ATP8A2: variants seen among roughly 807,000 people sequenced by gnomAD.
The protein encoded by ATP8A2 is phospholipid-transporting ATPase IB.
Under a neutral mutation model 165.6 loss-of-function variants are expected in ATP8A2, and 100 were observed. The ratio of observed to expected loss-of-function variants is 0.60; its 90% confidence interval spans 0.51 to 0.71. ATP8A2 has a LOEUF of 0.71. Ranked by LOEUF, ATP8A2 falls within the 30% of genes least tolerant of loss-of-function variation. The probability of loss-of-function intolerance (pLI) is 0.00; values close to 1 mark genes in which losing one functional copy is unlikely to be tolerated. For synonymous variants in ATP8A2, 543 were observed against 548.8 expected, an observed-to-expected ratio of 0.99 and a Z score of 0.15; for missense variants, 1,227 against 1,479.5, an observed-to-expected ratio of 0.83 and a Z score of 2.80.
chr13:25,384,825 G>T (rs2032981495), intron 1 of ATP8A2, among the ~76,000 whole-genome samples: 1 of 152,098 alleles, frequency 6.6e-6, no homozygotes, highest in Non-Finnish European at 1.5e-5. Flanking sequence ...AATCTTAAAT[G>T]TCTTATGATT....
chr13:25,985,200 G>A (rs1593671930), intron 35 of ATP8A2, among the ~76,000 whole-genome samples: 2 of 152,154 alleles, frequency 1.3e-5, no homozygotes, highest in East Asian at 3.9e-4. Flanking sequence ...GTGTATGCTG[G>A]TTACAAGAAT....
intron 24 of ATP8A2, among the ~76,000 whole-genome samples, chr13:25,622,844 C>T (rs1343048043): frequency 6.6e-6 from 1 of 152,122 alleles, no homozygotes; most frequent in Non-Finnish European, 1.5e-5. Context: ...CCAAGCATTT[C>T]AGATAAGGGA....
intron 33 of ATP8A2, among the ~76,000 whole-genome samples, chr13:25,898,493 G>A (rs569349102): frequency 1.2e-4 from 19 of 152,232 alleles, no homozygotes; most frequent in South Asian, 2.1e-4. Flanking sequence ...TTGAGGAGGC[G>A]GTCTGCCTGT....
rs541944695 is a variant in ATP8A2 at position 25,953,686 on chromosome 13, G to T, written c.3184-7889G>T. ...CTCACTGGGACTGGTTAGATAGTGG[G>T]TGCAGCCCACGGAGGGCAAGCCGAA... On this transcript the variant is annotated intron_variant, in intron 33 of 36. Coordinates refer to ENST00000381655, the MANE Select transcript of ATP8A2 (RefSeq NM_016529.6). The surrounding 1 kb of genome is among the most constrained non-coding windows in gnomAD (Gnocchi z 6.7). 6.6e-6 allele frequency among the ~76,000 whole-genome samples: 1 copy of T among 152,190 alleles called. No individual in the cohort carries two copies. Among genetic ancestry groups the T allele is most frequent in the South Asian group, 2.1e-4 (1 of 4,810 alleles).
chr13:25,920,347 G>C (rs1363008803), intron 33 of ATP8A2, among the ~76,000 whole-genome samples: 3 of 152,024 alleles, frequency 2.0e-5, no homozygotes, highest in African/African-American at 7.2e-5. Context: ...ACCCTTCCTG[G>C]TGCTGGACTC....
At chr13:25,426,800 G>T (rs1008645205) in intron 1 of ATP8A2, among the ~76,000 whole-genome samples, 3 of 152,032 alleles carry the variant, frequency 2.0e-5, no homozygotes, top group Non-Finnish European at 4.4e-5. Flanking sequence ...AAAAAAATTA[G>T]CTGGGCACGA....
intron 35 of ATP8A2, among the ~76,000 whole-genome samples, chr13:25,981,923 A>G (rs967515495): frequency 2.0e-5 from 3 of 152,220 alleles, no homozygotes; most frequent in Non-Finnish European, 4.4e-5. Flanking sequence ...TTAAAGGTAT[A>G]ATTTAAGAGT....
chr13:25,792,257 G>A (rs933934506), intron 27 of ATP8A2, among the ~76,000 whole-genome samples: 1 of 151,980 alleles, frequency 6.6e-6, no homozygotes, highest in African/African-American at 2.4e-5. Flanking sequence ...TCATTTTTTG[G>A]CAGCCCAGAT....
chr13:25,536,165 G>A (rs989772819), intron 6 of ATP8A2, among the ~76,000 whole-genome samples: 1 of 152,142 alleles, frequency 6.6e-6, no homozygotes, highest in Non-Finnish European at 1.5e-5. Context: ...AGGCTGGAGT[G>A]CAGTGGTGCC....
intron 2 of ATP8A2, among the ~76,000 whole-genome samples, chr13:25,522,625 T>A (rs2037706204): frequency 6.6e-6 from 1 of 152,226 alleles, no homozygotes; most frequent in African/African-American, 2.4e-5. Context: ...AAAGAGATAC[T>A]GAATTTTGTC....
chr13:25,834,885 C>T (rs1030450281), intron 28 of ATP8A2, among the ~76,000 whole-genome samples: 3 of 152,124 alleles, frequency 2.0e-5, no homozygotes, highest in Non-Finnish European at 2.9e-5. Flanking sequence ...AAGCTGGTCT[C>T]GAACTCCTGT....
intron 25 of ATP8A2, among the ~76,000 whole-genome samples, chr13:25,711,624 C>CA (rs1192574903): frequency 6.6e-6 from 1 of 152,060 alleles, no homozygotes; most frequent in African/African-American, 2.4e-5. Flanking sequence ...AGTTAGAGTT[C>CA]ATATGCAAGG....
intron 2 of ATP8A2, among the ~76,000 whole-genome samples, chr13:25,513,937 G>A (rs948304765): frequency 6.7e-6 from 1 of 149,106 alleles, no homozygotes; most frequent in African/African-American, 2.5e-5. Flanking sequence ...GGCATCAGAG[G>A]GAGACCGTGG....
chr13:25,854,435 A>G (rs1157116115), intron 30 of ATP8A2, among the ~76,000 whole-genome samples: 2 of 152,146 alleles, frequency 1.3e-5, no homozygotes, highest in African/African-American at 2.4e-5. Flanking sequence ...TCCTGGGCTT[A>G]AGGAATCCTC....
intron 33 of ATP8A2, among the ~76,000 whole-genome samples, chr13:25,913,818 G>A (rs976146006): frequency 2.2e-4 from 34 of 152,254 alleles, no homozygotes; most frequent in Middle Eastern, 3.4e-3. Context: ...AGCAGCTCTG[G>A]TTTTTATCCC....
Position 25,452,693 on chromosome 13 carries a change from T to C in ATP8A2, c.77-16284T>C, listed in dbSNP as rs114567485. Reference sequence around the variant, plus strand: ...TAAATATATTTTTTAGCTTCATCAATAGGTACTGAATTAAGTAGGTAAGGT... The same window carrying C: ...TAAATATATTTTTTAGCTTCATCAACAGGTACTGAATTAAGTAGGTAAGGT... On this transcript the variant is annotated intron_variant, in intron 1 of 36. Coordinates refer to ENST00000381655, the MANE Select transcript of ATP8A2 (RefSeq NM_016529.6). 2.8e-3 allele frequency among the ~76,000 whole-genome samples: 428 copies of C among 152,326 alleles called. 3 individuals are homozygous for C. Among genetic ancestry groups the C allele is most frequent in the African/African-American group, 9.6e-3 (398 of 41,582 alleles).
rs890946149 is a variant in ATP8A2 at position 25,828,536 on chromosome 13, C to T, written c.2754+344C>T. On this transcript the variant is annotated intron_variant, in intron 28 of 36. Transcript: ENST00000381655. ...TTCTGAACTACACCTAAACTCATTCCGCTTCATTATTTTTGTTCTGAATTC... is the reference window on the plus strand; with the variant it reads ...TTCTGAACTACACCTAAACTCATTCTGCTTCATTATTTTTGTTCTGAATTC... Among the ~76,000 whole-genome samples, 44 of 152,194 alleles carry T rather than the reference C, an allele frequency of 2.9e-4. 1 individual carries two copies. The highest frequency in any genetic ancestry group is 9.4e-4 in the African/African-American group (39 of 41,442).
intron 24 of ATP8A2, among the ~76,000 whole-genome samples, chr13:25,629,963 G>C (rs2041197669): frequency 6.6e-6 from 1 of 152,102 alleles, no homozygotes; most frequent in Admixed American, 6.6e-5. Flanking sequence ...TAGAGTTGCT[G>C]AAGTATTTAT....
chr13:25,452,028 T>C (rs1229843076), intron 1 of ATP8A2, among the ~76,000 whole-genome samples: 2 of 151,970 alleles, frequency 1.3e-5, no homozygotes, highest in Non-Finnish European at 2.9e-5. Flanking sequence ...TTATTTTTTG[T>C]ATTTTTAGTA....
Sources: allele counts gnomAD v4.1 joint callset (sites outside exome capture counted in the v4.1 genomes callset), GRCh38; gene constraint gnomAD v4.1.1; non-coding constraint Gnocchi (gnomAD v3.1); transcripts MANE v1.5; gene names NCBI Gene and HGNC (gene_info 2026-07-23, HGNC 2026-07-21).